Variants in QTMAN observed in about 807,000 individuals in gnomAD.
QTMAN encodes queuosine-tRNA mannosyltransferase.
chr2:144,149,644 C>T, the QTMAN span, among the ~76,000 whole-genome samples: 3 of 152,016 alleles, frequency 2.0e-5, no homozygotes, highest in Admixed American at 6.6e-5. Flanking sequence ...CTAACCAAAA[C>T]GGCTCTATGC....
the QTMAN span, among the ~76,000 whole-genome samples, chr2:144,318,837 T>C: frequency 4.6e-4 from 70 of 152,290 alleles, 1 homozygote; most frequent in South Asian, 0.014. Context: ...TTTAAAAATG[T>C]TGAAGATTCA....
chr2:144,027,129 C>T, the QTMAN span, among the ~76,000 whole-genome samples: 155 of 152,306 alleles, frequency 1.0e-3, 1 homozygote, highest in South Asian at 2.9e-3. Flanking sequence ...GATGGTTCTC[C>T]TCCAATGGAG....
the QTMAN span, among the ~76,000 whole-genome samples, chr2:144,048,311 C>T: frequency 1.3e-5 from 2 of 152,264 alleles, no homozygotes; most frequent in East Asian, 1.9e-4. Context: ...TGGAGTAGCT[C>T]GTGACAATTA....
At chr2:144,241,082 G>C in the QTMAN span, among the ~76,000 whole-genome samples, 1 of 152,200 alleles carries the variant, frequency 6.6e-6, no homozygotes, top group Non-Finnish European at 1.5e-5. Context: ...GTGCAACTAG[G>C]GTTGAGAAAT....
the QTMAN span, among the ~76,000 whole-genome samples, chr2:144,176,546 T>C: frequency 2.6e-5 from 4 of 152,124 alleles, no homozygotes; most frequent in Non-Finnish European, 4.4e-5. Context: ...AAGAAATATG[T>C]AAAATTATCA....
the QTMAN span, among the ~76,000 whole-genome samples, chr2:144,286,441 A>G: frequency 7.9e-5 from 12 of 152,344 alleles, no homozygotes; most frequent in East Asian, 2.1e-3. Flanking sequence ...AATTAGCTGA[A>G]CCACAGCTTA....
chr2:144,183,129 C>T, the QTMAN span, among the ~76,000 whole-genome samples: 1 of 150,570 alleles, frequency 6.6e-6, no homozygotes, highest in Non-Finnish European at 1.5e-5. Context: ...TAGTTTCAGC[C>T]TACACTCTTT....
the QTMAN span, among the ~76,000 whole-genome samples, chr2:144,162,741 G>A: frequency 1.3e-5 from 2 of 152,104 alleles, no homozygotes; most frequent in Non-Finnish European, 2.9e-5. Flanking sequence ...ACAGCTGTGC[G>A]GACGAATTCC....
the QTMAN span, among the ~76,000 whole-genome samples, chr2:144,160,256 CTTAAGT>C: frequency 6.6e-6 from 1 of 152,062 alleles, no homozygotes; most frequent in African/African-American, 2.4e-5. Context: ...TTTAGTAAAT[CTTAAGT>C]TTAAGGTGTC....
chr2:144,031,638 C>A, the QTMAN span, among the ~76,000 whole-genome samples: 2 of 152,168 alleles, frequency 1.3e-5, no homozygotes, highest in East Asian at 3.9e-4. Flanking sequence ...GGGAAGCCAG[C>A]AGTGATGAAA....
chr2:144,247,436 T>C, the QTMAN span, among the ~76,000 whole-genome samples: 1 of 152,204 alleles, frequency 6.6e-6, no homozygotes, highest in African/African-American at 2.4e-5. Context: ...AATAGCTACA[T>C]AATATAATAA....
At chr2:144,007,328 T>C in the QTMAN span, 22 of 1,613,208 alleles carry the variant, frequency 1.4e-5, no homozygotes, top group Non-Finnish European at 1.9e-5. Context: ...TCAAGTCTGA[T>C]TCCTGTCTTA....
At chr2:144,046,909 C>G in the QTMAN span, among the ~76,000 whole-genome samples, 3 of 152,330 alleles carry the variant, frequency 2.0e-5, no homozygotes, top group East Asian at 5.8e-4. Flanking sequence ...ATAATCTGGA[C>G]TCATCTTGCT....
the QTMAN span, among the ~76,000 whole-genome samples, chr2:144,285,157 T>G: frequency 3.3e-5 from 5 of 152,112 alleles, no homozygotes; most frequent in Admixed American, 1.3e-4. Context: ...GCTGGTAAGA[T>G]ATAATGTACC....
the QTMAN span, among the ~76,000 whole-genome samples, chr2:144,076,116 G>A: frequency 1.7e-3 from 262 of 152,142 alleles, no homozygotes; most frequent in African/African-American, 5.1e-3. Flanking sequence ...GCGTGGTGGC[G>A]CGTGCCTGTA....
the QTMAN span, among the ~76,000 whole-genome samples, chr2:144,052,234 G>T: frequency 6.6e-6 from 1 of 152,184 alleles, no homozygotes; most frequent in Admixed American, 6.5e-5. Flanking sequence ...ATGATAACAG[G>T]ATAAAACTGG....
chr2:144,030,890 A>G, the QTMAN span, among the ~76,000 whole-genome samples: 4 of 152,170 alleles, frequency 2.6e-5, no homozygotes, highest in African/African-American at 7.2e-5. Context: ...AAGAAACCTC[A>G]TGGAACTTGT....
At chr2:144,073,361 T>C in the QTMAN span, among the ~76,000 whole-genome samples, 1 of 151,988 alleles carries the variant, frequency 6.6e-6, no homozygotes, top group Non-Finnish European at 1.5e-5. Context: ...TACTCTCCTG[T>C]GAAAGAAAGG....
chr2:144,098,339 A>G, the QTMAN span, among the ~76,000 whole-genome samples: 4 of 152,372 alleles, frequency 2.6e-5, no homozygotes, highest in East Asian at 1.9e-4. Context: ...CAATGTGAGT[A>G]AAGTACATAG....
Sources: allele counts gnomAD v4.1 joint callset (sites outside exome capture counted in the v4.1 genomes callset), GRCh38; gene constraint gnomAD v4.1.1; transcripts MANE v1.5; gene names NCBI Gene and HGNC (gene_info 2026-07-23, HGNC 2026-07-21).